GPR108: variants seen among roughly 807,000 people sequenced by gnomAD.
The protein encoded by GPR108 is protein GPR108.
A neutral mutation model predicts 74.3 loss-of-function variants in GPR108; 60 were observed. The ratio of observed to expected loss-of-function variants is 0.81; its 90% CI spans 0.66 to 1.00. GPR108 has a LOEUF of 1.00. GPR108 is among the 50% of genes least tolerant of loss of function. The pLI, the probability that GPR108 is intolerant of heterozygous loss-of-function variation, is 0.00. For synonymous variants in GPR108, 311 were observed against 292.4 expected, an observed-to-expected ratio of 1.06 and a Z score of -0.65; for missense variants, 667 against 703.3, an observed-to-expected ratio of 0.95 and a Z score of 0.58.
rs1227743160 is a variant in GPR108 at position 6,733,001 on chromosome 19, G to C, written c.919C>G (p.Leu307Val). 2 of 1,603,948 alleles carry C rather than the reference G, an allele frequency of 1.2e-6. No individual in the cohort carries two copies. Among genetic ancestry groups the C allele is most frequent in the Admixed American group, 3.5e-5 (2 of 57,864 alleles). The change falls in exon 10 of 18, where the codon CTC becomes GTC. Residue 307 changes from leucine to valine, a missense_variant. Transcript: ENST00000264080. ...AAGGCTCTCACGCTGTGGAAGAGGA[G>C]AGAGATGCTCTTGGTGAAGGCCAAG... ...AALAFTKSISLLFHSINYYFI... is the reference protein window; with the variant it reads ...AALAFTKSISVLFHSINYYFI...
At chr19:6,735,357 A>G (rs1008367852) in intron 4 of GPR108, 2 of 408,410 alleles carry the variant, frequency 4.9e-6, no homozygotes, top group Admixed American at 4.2e-5. Flanking sequence ...GCTCCGGGAC[A>G]CCGGAAGCAC....
chr19:6,730,406 G>T (rs1408607728), intron 17 of GPR108, 22 bp from the exon 18 acceptor site: 14 of 1,606,930 alleles, frequency 8.7e-6, no homozygotes, highest in Non-Finnish European at 1.2e-5. Context: ...CAGCGAGGAG[G>T]CGTCTAGCGT....
intron 17 of GPR108, 126 bp from the exon 18 acceptor site, chr19:6,730,510 C>T: frequency 1.3e-6 from 1 of 757,634 alleles, no homozygotes; most frequent in South Asian, 1.5e-5. Context: ...GCCCACTCTA[C>T]CCCAGACTCA....
At chr19:6,732,645 G>C (rs1056565940) in intron 10 of GPR108, 96 bp from the exon 11 acceptor site, 1 of 943,630 alleles carries the variant, frequency 1.1e-6, no homozygotes, top group Non-Finnish European at 1.7e-6. Context: ...GTCACCATCA[G>C]ATGGGTGGTC....
At chr19:6,731,361 C>T in intron 15 of GPR108, 79 bp from the exon 16 acceptor site, 1 of 1,491,600 alleles carries the variant, frequency 6.7e-7, no homozygotes, top group African/African-American at 1.4e-5. Context: ...GGACTGCGGG[C>T]TGGGGAGCCT....
chr19:6,735,391 T>G, intron 4 of GPR108: 1 of 506,330 alleles, frequency 2.0e-6, no homozygotes, highest in East Asian at 3.3e-5. Context: ...ACAATTGTTA[T>G]TCATTCTCAC....
At chr19:6,733,542 T>C in intron 8 of GPR108, 28 bp downstream of exon 8, 2 of 1,595,514 alleles carry the variant, frequency 1.3e-6, no homozygotes, top group South Asian at 2.2e-5. Context: ...GGGCGCTCCC[T>C]GGCCCTGCTG....
At chr19:6,733,819 G>T in intron 7 of GPR108, 26 bp downstream of exon 7, 1 of 1,613,302 alleles carries the variant, frequency 6.2e-7, no homozygotes. Context: ...GGTGACGGAA[G>T]GGCCGCAGGC....
At position 6,732,258 on chromosome 19, in the gene GPR108, C is replaced by A; in HGVS notation, c.1125+5G>T. 6.2e-7 allele frequency: 1 copy of A among 1,611,934 alleles called. No homozygotes were observed. The highest frequency in any genetic ancestry group is 8.5e-7 in the Non-Finnish European group (1 of 1,179,892). On this transcript the variant is annotated splice_donor_5th_base_variant and intron_variant, in intron 12 of 17. Coordinates refer to ENST00000264080, the MANE Select transcript of GPR108 (RefSeq NM_001080452.2). ...GCCCTGCTCCGGAGGCTGCTCCATC[C>A]GCACCTGCATGGGGATCACGATCCC...
At chr19:6,733,109 G>C (rs1186307084) in intron 9 of GPR108, 47 bp from the exon 10 acceptor site, 3 of 1,613,294 alleles carry the variant, frequency 1.9e-6, no homozygotes, top group Admixed American at 3.3e-5. Flanking sequence ...CATCAGCAGA[G>C]CATAGGGATG....
At chr19:6,731,572 G>C in intron 14 of GPR108, 50 bp from the exon 15 acceptor site, 1 of 828,898 alleles carries the variant, frequency 1.2e-6, no homozygotes, top group East Asian at 2.7e-5. Flanking sequence ...GGGTGGGAGG[G>C]AGGGGAGGGG....
rs756592411 is a variant in GPR108, at chr19:6,734,213, G to T, written c.469C>A (p.Gln157Lys). Residue 157 changes from glutamine (Q) to lysine (K), a missense_variant, in exon 5 of 18, where the codon CAG becomes AAG. Coordinates refer to ENST00000264080, the MANE Select transcript of GPR108 (RefSeq NM_001080452.2). Reference protein sequence around the residue: ...APSKPGLPKPQATVPRKVDGG... With the variant: ...APSKPGLPKPKATVPRKVDGG... ...TCCACCTTGCGGGGGACTGTGGCCT[G>T]TGGCTTCGGGAGCCCTGGTTTGGAG... The T allele has an allele frequency of 1.9e-6, 3 of 1,614,240 alleles. No homozygotes were observed. Among genetic ancestry groups the T allele is most frequent in the South Asian group, 2.2e-5 (2 of 91,086 alleles).
rs1390705635 is a variant in GPR108, at chr19:6,734,197, C to CG, written c.484dup (p.Arg162ProfsTer25). On this transcript the variant is annotated frameshift_variant, in exon 5 of 18. Transcript: ENST00000264080. LOFTEE classifies it high-confidence loss of function. ...GCCTGACTCACCGCCATCCACCTTGCGGGGGACTGTGGCCTGTGGCTTCGG... is the reference window on the plus strand; with the variant it reads ...GCCTGACTCACCGCCATCCACCTTGCGGGGGGACTGTGGCCTGTGGCTTCGG... The CG allele has an allele frequency of 7.4e-6, 12 of 1,614,074 alleles. No homozygotes were observed. Among genetic ancestry groups the CG allele is most frequent in the African/African-American group, 1.3e-5 (1 of 74,932 alleles).
rs530995179 is a variant in GPR108, at chr19:6,735,802, C to G, written c.292-98G>C. ...TGTCCACCCACGGGATCTTCCTGCTCCTGCCTCTGACAAAGAACAGGGGCC... is the reference window on the plus strand; with the variant it reads ...TGTCCACCCACGGGATCTTCCTGCTGCTGCCTCTGACAAAGAACAGGGGCC... On this transcript the variant is annotated intron_variant, in intron 3 of 17. Coordinates refer to ENST00000264080, the MANE Select transcript of GPR108 (RefSeq NM_001080452.2). The G allele has an allele frequency of 6.0e-5, 91 of 1,526,656 alleles. No individual in the cohort carries two copies. The African/African-American group carries it at 1.2e-3, about 19-fold the overall frequency. The allele number at this position is 1,526,656 out of a possible 1,614,324, so 94.6% of individuals were successfully genotyped here.
chr19:6,735,257 C>T (rs1188735239), intron 4 of GPR108: 7 of 180,784 alleles, frequency 3.9e-5, no homozygotes, highest in Non-Finnish European at 8.1e-5. Flanking sequence ...CAGACCCTGG[C>T]CCCAGAATCC....
chr19:6,736,327 C>T (rs2145498859), intron 2 of GPR108, among the ~76,000 whole-genome samples: 1 of 152,264 alleles, frequency 6.6e-6, no homozygotes, highest in East Asian at 1.9e-4. Context: ...GAACTCCTGG[C>T]CTCAGGCAAT....
chr19:6,736,635 A>T lies in GPR108; in HGVS notation c.197T>A (p.Val66Asp), dbSNP rs767380412. The T allele has an allele frequency of 2.5e-6, 4 of 1,614,088 alleles. No individual in the cohort carries two copies. The highest frequency in any genetic ancestry group is 3.4e-6 in the Non-Finnish European group (4 of 1,180,002). ...TGCCTCCCGGAGGCCCAGCCGCAGGACGCTCAACTCCACCTCCAGAGAGCC... is the reference window on the plus strand; with the variant it reads ...TGCCTCCCGGAGGCCCAGCCGCAGGTCGCTCAACTCCACCTCCAGAGAGCC... ...TNGSLEVELS[V>D]LRLGLREAEE... The change falls in exon 2 of 18, where the codon GTC becomes GAC. Residue 66 changes from valine (V) to aspartate (D), a missense_variant. Coordinates refer to ENST00000264080, the MANE Select transcript of GPR108 (RefSeq NM_001080452.2).
chr19:6,735,657 G>A lies in GPR108; in HGVS notation c.339C>T (p.Phe113=), dbSNP rs773770162. 4 of 1,614,138 alleles carry A rather than the reference G, an allele frequency of 2.5e-6. No homozygotes were observed. Among genetic ancestry groups the A allele is most frequent in the Non-Finnish European group, 3.4e-6 (4 of 1,180,020 alleles). Residue 113 remains phenylalanine (F), a synonymous_variant, in exon 4 of 18, where the codon TTC becomes TTT. Coordinates refer to ENST00000264080, the MANE Select transcript of GPR108 (RefSeq NM_001080452.2). ...DCPLQKNSSS[F]LVLFLINTKD... ...TGGTGTTGATGAGGAACAGGACCAGGAAACTGCTACTGTTTTTCTGGAGAG... is the reference window on the plus strand; with the variant it reads ...TGGTGTTGATGAGGAACAGGACCAGAAAACTGCTACTGTTTTTCTGGAGAG...
Position 6,731,214 on chromosome 19 carries a change from C to A in GPR108, c.1419G>T (p.Trp473Cys). Residue 473 changes from tryptophan (W) to cysteine (C), a missense_variant, in exon 16 of 18, where the codon TGG (tryptophan) becomes TGT (cysteine). Transcript: ENST00000264080. ...TCGGGCTCACCTGGTACAGCCACTG[C>A]CACTGAAAGGGCACAGCCACCTGCA... ...ILLQVAVPFQWQWLYQLLVEG... is the reference protein window; with the variant it reads ...ILLQVAVPFQCQWLYQLLVEG... The A allele has an allele frequency of 6.3e-7, 1 of 1,578,500 alleles. No homozygotes were observed. The highest frequency in any genetic ancestry group is 8.6e-7 in the Non-Finnish European group (1 of 1,159,108).
Sources: allele counts gnomAD v4.1 joint callset (sites outside exome capture counted in the v4.1 genomes callset), GRCh38; gene constraint gnomAD v4.1.1; transcripts MANE v1.5; gene names NCBI Gene and HGNC (gene_info 2026-07-23, HGNC 2026-07-21).